The following FAM136A variants were observed in gnomAD, a reference collection of about 807,000 sequenced individuals.
FAM136A encodes TIM double twin CX3C motif chaperone, also known as TIM double twin CX3C motif protein.
In FAM136A, 25 loss-of-function variants were observed where a neutral mutation model predicts 21.6. That is an observed-to-expected ratio of 1.16 (90% CI 0.84 to 1.62). The LOEUF is 1.62. FAM136A is among the 40% of genes most tolerant of loss of function. The pLI is 0.00. For synonymous variants in FAM136A, 119 were observed against 129.4 expected (o/e 0.92, Z 0.55); for missense variants, 338 against 332.0 (o/e 1.02, Z -0.14).
rs561545558 is a variant in FAM136A, at chr2:70,301,875, G to C, written c.137C>G (p.Pro46Arg). 2 of 1,567,278 alleles carry C rather than the reference G, an allele frequency of 1.3e-6. No homozygotes were observed. Among genetic ancestry groups the C allele is most frequent in the East Asian group, 2.4e-5 (1 of 42,176 alleles). The change falls in exon 1 of 3, where the codon CCG (proline) becomes CGG (arginine). Residue 46 changes from proline to arginine, a missense_variant. By Grantham distance (103) the Pro-to-Arg change is moderately radical (BLOSUM62 -2). Coordinates refer to ENST00000430566, the MANE Select transcript of FAM136A (RefSeq NM_001329752.2). ...CGCGTGGTGGCTGAGGGAAGGGCCC[G>C]GAACCCACCCGCTGAGAAGGGGGTC... ...NQDPLLSGWV[P>R]GPSLSHHATP...
chr2:70,298,908 G>A (rs990128545), intron 2 of FAM136A, among the ~76,000 whole-genome samples: 1 of 152,202 alleles, frequency 6.6e-6, no homozygotes, highest in Non-Finnish European at 1.5e-5. Context: ...ACTGAGAAAT[G>A]ACCCCCGGAT....
chr2:70,299,319 A>G (rs1697332247), intron 2 of FAM136A, among the ~76,000 whole-genome samples: 1 of 152,208 alleles, frequency 6.6e-6, no homozygotes, highest in Admixed American at 6.5e-5. Context: ...TTTGCTCCAG[A>G]GAGGGAAACA....
At chr2:70,300,812 A>C (rs1697374203) in intron 2 of FAM136A, 28 bp downstream of exon 2, 1 of 1,582,216 alleles carries the variant, frequency 6.3e-7, no homozygotes, top group Non-Finnish European at 8.6e-7. Context: ...ATCAAGGACT[A>C]CAGTGCTCTG....
rs1697248545 is a variant in FAM136A, at chr2:70,296,396, C to CTGT, written c.*890_*892dup. 1 of 152,108 alleles carries CTGT rather than the reference C, an allele frequency of 6.6e-6. No homozygotes were observed. Among genetic ancestry groups the CTGT allele is most frequent in the Admixed American group, 6.6e-5 (1 of 15,238 alleles). 9.4% of individuals were successfully genotyped at this position (152,108 alleles called of 1,614,324 possible). ...TCCCAAATCCAGTACTTCATTTACT[C>CTGT]TGTTGTAATCAAGTAGCCAACTGCT... On this transcript the variant is annotated 3_prime_UTR_variant, in exon 3 of 3. Transcript: ENST00000430566.
chr2:70,300,103 T>C (rs1389353191), intron 2 of FAM136A, among the ~76,000 whole-genome samples: 1 of 152,002 alleles, frequency 6.6e-6, no homozygotes, highest in East Asian at 1.9e-4. Flanking sequence ...GGTTTCACCA[T>C]GTTGGCCAGG....
At chr2:70,298,640 G>A (rs1192824444) in intron 2 of FAM136A, among the ~76,000 whole-genome samples, 1 of 152,210 alleles carries the variant, frequency 6.6e-6, no homozygotes, top group East Asian at 1.9e-4. Context: ...ATAAATGCAG[G>A]AGCTGTCAGC....
chr2:70,297,599 A>C, intron 2 of FAM136A, 122 bp from the exon 3 acceptor site: 1 of 788,552 alleles, frequency 1.3e-6, no homozygotes, highest in South Asian at 2.2e-5. Flanking sequence ...AATTAAAGGG[A>C]CATGGTAGTG....
chr2:70,299,538 C>T (rs549793049), intron 2 of FAM136A, among the ~76,000 whole-genome samples: 2 of 152,288 alleles, frequency 1.3e-5, no homozygotes, highest in South Asian at 2.1e-4. Context: ...GCTATCCTAC[C>T]TTTCTAGAGA....
rs1328777250 is a variant in FAM136A, at chr2:70,296,649, C to T, written c.*640G>A. 1 of 152,236 alleles carries T rather than the reference C, an allele frequency of 6.6e-6. No homozygotes were observed. Among genetic ancestry groups the T allele is most frequent in the Non-Finnish European group, 1.5e-5 (1 of 68,056 alleles). 9.4% of individuals were successfully genotyped at this position (152,236 alleles called of 1,614,324 possible). ...GCATGTAATAATTTTAAGAAATGTACATCCACATCTTGATGACCAGAAATG... is the reference window on the plus strand; with the variant it reads ...GCATGTAATAATTTTAAGAAATGTATATCCACATCTTGATGACCAGAAATG... On this transcript the variant is annotated 3_prime_UTR_variant, in exon 3 of 3. Transcript: ENST00000430566.
intron 2 of FAM136A, 64 bp downstream of exon 2, chr2:70,300,776 G>A: frequency 6.7e-7 from 1 of 1,488,336 alleles, no homozygotes; most frequent in Non-Finnish European, 9.1e-7. Context: ...TTGAACAAAT[G>A]CTTGTCATCT....
Position 70,297,478 on chromosome 2 carries a change from C to G in FAM136A, c.550-1G>C. On this transcript the variant is annotated splice_acceptor_variant, in intron 2 of 2. Coordinates refer to ENST00000430566, the MANE Select transcript of FAM136A (RefSeq NM_001329752.2). LOFTEE classifies it high-confidence loss of function. ...GCATGGTGCACCGGGCCAGGCGGTC[C>G]TGTGGCAAGAAGGAAGAACGTAGAA... 6.2e-7 allele frequency: 1 copy of G among 1,613,588 alleles called. No homozygotes were observed. Among genetic ancestry groups the G allele is most frequent in the Non-Finnish European group, 8.5e-7 (1 of 1,179,656 alleles).
chr2:70,302,020 C>G lies in FAM136A; in HGVS notation c.-9G>C, dbSNP rs932430352. The G allele has an allele frequency of 6.3e-7, 1 of 1,578,092 alleles. No homozygotes were observed. The highest frequency in any genetic ancestry group is 8.6e-7 in the Non-Finnish European group (1 of 1,165,434). Reference sequence around the variant, plus strand: ...TGCTGCAGCTCAGCCATGGCGACCCCGCGCTGCCCCGCGGCGCTCCGCGCC... The same window carrying G: ...TGCTGCAGCTCAGCCATGGCGACCCGGCGCTGCCCCGCGGCGCTCCGCGCC... On this transcript the variant is annotated 5_prime_UTR_variant, in exon 1 of 3. Transcript: ENST00000430566.
In FAM136A at chr2:70,301,760, A is replaced by C; in HGVS notation, c.252T>G (p.Phe84Leu). 2 of 1,543,242 alleles carry C rather than the reference A, an allele frequency of 1.3e-6. No homozygotes were observed. The highest frequency in any genetic ancestry group is 1.7e-6 in the Non-Finnish European group (2 of 1,146,384). ...RGGLGQDFGSFGGSDEIRVPL... is the reference protein window; with the variant it reads ...RGGLGQDFGSLGGSDEIRVPL... ...GCACACGGATTTCATCCGATCCGCCAAAGCTTCCGAAGTCCTGTCCGAGGC... is the reference window on the plus strand; with the variant it reads ...GCACACGGATTTCATCCGATCCGCCCAAGCTTCCGAAGTCCTGTCCGAGGC... The change falls in exon 1 of 3, where the codon TTT becomes TTG. Residue 84 changes from phenylalanine (F) to leucine (L), a missense_variant. Coordinates refer to ENST00000430566, the MANE Select transcript of FAM136A (RefSeq NM_001329752.2).
chr2:70,301,550 G>A, intron 1 of FAM136A, 54 bp downstream of exon 1: 1 of 1,535,990 alleles, frequency 6.5e-7, no homozygotes, highest in Non-Finnish European at 8.7e-7. Context: ...GGAAGTCCTC[G>A]CCTTTCTGGT....
At chr2:70,301,120 A>G in intron 1 of FAM136A, 140 bp from the exon 2 acceptor site, 1 of 1,048,298 alleles carries the variant, frequency 9.5e-7, no homozygotes, top group South Asian at 1.6e-5. Flanking sequence ...CTGAGAATAG[A>G]CACCAGGACC....
Position 70,296,760 on chromosome 2 carries a change from G to A in FAM136A, c.*529C>T, listed in dbSNP as rs1278052111. The A allele has an allele frequency of 6.6e-6, 1 of 152,458 alleles. No individual in the cohort carries two copies. The highest frequency in any genetic ancestry group is 1.5e-5 in the Non-Finnish European group (1 of 68,238). 9.4% of individuals were successfully genotyped at this position (152,458 alleles called of 1,614,324 possible). On this transcript the variant is annotated 3_prime_UTR_variant, in exon 3 of 3. Transcript: ENST00000430566. ...TCTTAAAATCAACTTGTATGCCCTT[G>A]TATAAATTACCCCAAATCAAGAAAA...
intron 2 of FAM136A, 24 bp downstream of exon 2, chr2:70,300,816 T>G: frequency 6.3e-7 from 1 of 1,584,776 alleles, no homozygotes; most frequent in Non-Finnish European, 8.6e-7. Flanking sequence ...AGGACTACAG[T>G]GCTCTGTCTA....
intron 1 of FAM136A, 26 bp from the exon 2 acceptor site, chr2:70,301,006 G>C (rs1456536776): frequency 4.4e-6 from 7 of 1,595,516 alleles, no homozygotes; most frequent in Non-Finnish European, 6.0e-6. Flanking sequence ...AGAGAGGTTA[G>C]GTAGGAAAGT....
Position 70,297,281 on chromosome 2 carries a change from A to G in FAM136A, c.*8T>C, listed in dbSNP as rs762845188. Reference sequence around the variant, plus strand: ...GCCCTCAGCCCTGATGGCCACTGGCAAATACTTTTATTTTCCAATTGATAA... The same window carrying G: ...GCCCTCAGCCCTGATGGCCACTGGCGAATACTTTTATTTTCCAATTGATAA... On this transcript the variant is annotated 3_prime_UTR_variant, in exon 3 of 3. Coordinates refer to ENST00000430566, the MANE Select transcript of FAM136A (RefSeq NM_001329752.2). 1 of 1,611,362 alleles carries G rather than the reference A, an allele frequency of 6.2e-7. No individual in the cohort carries two copies. The highest frequency in any genetic ancestry group is 1.3e-5 in the African/African-American group (1 of 74,984).
Sources: gnomAD v4.1 joint callset for allele counts (sites outside exome capture counted in the v4.1 genomes callset) on GRCh38, gnomAD v4.1.1 for gene constraint, MANE v1.5 for transcripts, NCBI Gene and HGNC (gene_info 2026-07-23, HGNC 2026-07-21) for gene names.